The following BCAS4 variants were observed in gnomAD, a reference collection of about 807,000 sequenced individuals.
The protein encoded by BCAS4 is breast carcinoma-amplified sequence 4.
In BCAS4, 9 loss-of-function variants were observed where a neutral mutation model predicts 15.7. That is an observed-to-expected ratio of 0.57 (90% CI 0.34 to 1.00). BCAS4 has a LOEUF of 1.00. Ranked by LOEUF, BCAS4 falls within the 50% of genes least tolerant of loss-of-function variation. The pLI is 0.02. For synonymous variants in BCAS4, 101 were observed against 99.5 expected (o/e 1.02, Z -0.09); for missense variants, 225 against 239.1 (o/e 0.94, Z 0.39).
chr20:50,796,058 AGCCTGG>A (rs1418219282), intron 1 of BCAS4, among the ~76,000 whole-genome samples: 1 of 151,678 alleles, frequency 6.6e-6, no homozygotes, highest in Non-Finnish European at 1.5e-5. Flanking sequence ...ACTGCACTCC[AGCCTGG>A]GCGACAGAGT....
At chr20:50,817,580 A>G (rs1195591128) in intron 1 of BCAS4, among the ~76,000 whole-genome samples, 2 of 152,120 alleles carry the variant, frequency 1.3e-5, no homozygotes, top group African/African-American at 4.8e-5. Flanking sequence ...CTCCTGCCTC[A>G]GCCTCGGAGT....
intron 1 of BCAS4, among the ~76,000 whole-genome samples, chr20:50,796,485 A>T (rs201792084): frequency 0.2 from 2,001 of 10,176 alleles, 269 homozygotes; most frequent in African/African-American, 0.23. Context: ...ATATATATAT[A>T]TATTTTTTTT....
chr20:50,847,551 TA>T lies in BCAS4; in HGVS notation c.399+5652del, dbSNP rs144478254. Among the ~76,000 whole-genome samples, 611 of 152,324 alleles carry T rather than the reference TA, an allele frequency of 4.0e-3. 2 individuals carry two copies. Among genetic ancestry groups the T allele is most frequent in the African/African-American group, 0.014 (583 of 41,580 alleles). On this transcript the variant is annotated intron_variant, in intron 4 of 4. Transcript: ENST00000371608. ...TCATAACATCCCACAAGGGAGGTGC[TA>T]TTTCTATCTCCATCTTACAGCTGAG... is the stretch of plus-strand genomic sequence containing the variant.
chr20:50,851,550 T>G lies in BCAS4; in HGVS notation c.399+9650T>G, dbSNP rs1978420083. 6.6e-6 allele frequency among the ~76,000 whole-genome samples: 1 copy of G among 152,156 alleles called. No homozygotes were observed. Among genetic ancestry groups the G allele is most frequent in the East Asian group, 1.9e-4 (1 of 5,194 alleles). Reference sequence around the variant, plus strand: ...TTCCGACAACAAGAAGTTTTCATTTTTGGGGGGGTGCTGTTTGTTGGGCCC... The same window carrying G: ...TTCCGACAACAAGAAGTTTTCATTTGTGGGGGGGTGCTGTTTGTTGGGCCC... On this transcript the variant is annotated intron_variant, in intron 4 of 4. Coordinates refer to ENST00000371608, the MANE Select transcript of BCAS4 (RefSeq NM_198799.4). The surrounding 1 kb of genome is among the most constrained non-coding windows in gnomAD (Gnocchi z 4.3).
intron 3 of BCAS4, chr20:50,840,733 T>C (rs1162513188): frequency 1.2e-6 from 2 of 1,611,964 alleles, no homozygotes; most frequent in African/African-American, 1.3e-5. Flanking sequence ...CTCAGCCATA[T>C]CGGATTTGTC....
chr20:50,840,883 G>C, intron 3 of BCAS4: 1 of 714,818 alleles, frequency 1.4e-6, no homozygotes, highest in Non-Finnish European at 2.5e-6. Flanking sequence ...AGGCTGGACT[G>C]CAATGGCGCG....
intron 4 of BCAS4, among the ~76,000 whole-genome samples, chr20:50,866,141 G>C (rs1019512027): frequency 3.3e-5 from 5 of 152,200 alleles, no homozygotes; most frequent in Admixed American, 6.5e-5. Context: ...TTTCTCATCT[G>C]TACAGTGGGC....
At chr20:50,842,148 T>C (rs921267803) in intron 4 of BCAS4, among the ~76,000 whole-genome samples, 2 of 152,102 alleles carry the variant, frequency 1.3e-5, no homozygotes, top group Admixed American at 1.3e-4. Flanking sequence ...CCATCTGAGG[T>C]TACTGTGGTG....
intron 4 of BCAS4, among the ~76,000 whole-genome samples, chr20:50,842,101 A>C (rs8117696): frequency 2.0e-5 from 3 of 152,086 alleles, no homozygotes; most frequent in Non-Finnish European, 4.4e-5. Flanking sequence ...TCGTGTGCTC[A>C]TGTACCATTT....
chr20:50,803,316 C>T (rs1005373305), intron 1 of BCAS4, among the ~76,000 whole-genome samples: 6 of 152,234 alleles, frequency 3.9e-5, no homozygotes. Context: ...CCATGCACAG[C>T]AGCGTTCAGC....
intron 2 of BCAS4, among the ~76,000 whole-genome samples, chr20:50,826,994 C>T (rs1053512854): frequency 4.6e-5 from 7 of 151,880 alleles, no homozygotes; most frequent in Admixed American, 2.0e-4. Flanking sequence ...AAACAACCCA[C>T]GACCCCCCAC....
At chr20:50,852,660 G>C (rs867277982) in intron 4 of BCAS4, among the ~76,000 whole-genome samples, 1 of 152,234 alleles carries the variant, frequency 6.6e-6, no homozygotes, top group Non-Finnish European at 1.5e-5. Flanking sequence ...GGGATTACAG[G>C]TGTGAACCAC....
intron 4 of BCAS4, among the ~76,000 whole-genome samples, chr20:50,844,748 TC>T (rs11288836): frequency 0.27 from 40,193 of 151,414 alleles, 6,760 homozygotes; most frequent in African/African-American, 0.48. Flanking sequence ...GGATGTGGCA[TC>T]CCCCCCCGGG....
chr20:50,858,194 C>CA (rs1341057898), intron 4 of BCAS4, among the ~76,000 whole-genome samples: 1 of 152,152 alleles, frequency 6.6e-6, no homozygotes, highest in East Asian at 1.9e-4. Flanking sequence ...ATCAAAAATC[C>CA]ATGGGTGCTT....
chr20:50,818,425 T>A, intron 2 of BCAS4, 143 bp downstream of exon 2: 1 of 712,484 alleles, frequency 1.4e-6, no homozygotes, highest in Non-Finnish European at 2.4e-6. Context: ...GAAAGCCACG[T>A]GCAAACACTC....
At chr20:50,865,614 G>A (rs899581163) in intron 4 of BCAS4, among the ~76,000 whole-genome samples, 9 of 152,276 alleles carry the variant, frequency 5.9e-5, no homozygotes, top group East Asian at 5.8e-4. Flanking sequence ...CTGCTGGCTC[G>A]CCCTGGACAC....
At chr20:50,870,985 C>G (rs1208879761) in intron 4 of BCAS4, among the ~76,000 whole-genome samples, 1 of 152,192 alleles carries the variant, frequency 6.6e-6, no homozygotes, top group Non-Finnish European at 1.5e-5. Context: ...TGCCTGCGGC[C>G]CGGGAGGAGG....
chr20:50,811,988 C>T (rs953583614), intron 1 of BCAS4, among the ~76,000 whole-genome samples: 1 of 152,208 alleles, frequency 6.6e-6, no homozygotes, highest in African/African-American at 2.4e-5. Context: ...TCTCACTTAG[C>T]ATCATGTTTT....
intron 4 of BCAS4, among the ~76,000 whole-genome samples, chr20:50,875,444 C>A (rs551380364): frequency 1.3e-5 from 2 of 152,208 alleles, no homozygotes; most frequent in Non-Finnish European, 2.9e-5. Context: ...GAACTCCAGG[C>A]AGCACAGATG....
Sources: gnomAD v4.1 joint callset for allele counts (sites outside exome capture counted in the v4.1 genomes callset) on GRCh38, gnomAD v4.1.1 for gene constraint, Gnocchi (gnomAD v3.1) non-coding constraint, MANE v1.5 for transcripts, NCBI Gene and HGNC (gene_info 2026-07-23, HGNC 2026-07-21) for gene names.